Variants in TLN2 observed in about 807,000 individuals in gnomAD.
The protein encoded by TLN2 is talin-2.
A neutral mutation model predicts 294.7 loss-of-function variants in TLN2; 118 were observed. The observed-to-expected ratio is 0.40, with a 90% CI of 0.34 to 0.47. The LOEUF (loss-of-function observed/expected upper bound fraction) is 0.47. TLN2 is among the 20% of genes least tolerant of loss of function. The pLI, the probability that TLN2 is intolerant of heterozygous loss-of-function variation, is 0.84. For missense variants in TLN2, 3,083 were observed against 3,282.2 expected (o/e 0.94, Z 1.48); for synonymous variants, 1,431 against 1,304.5 (o/e 1.10, Z -2.09).
chr15:62,458,653 C>T (rs966482777), intron 1 of TLN2, among the ~76,000 whole-genome samples: 7 of 150,264 alleles, frequency 4.7e-5, no homozygotes, highest in Non-Finnish European at 8.8e-5. Flanking sequence ...CCTATAGTCC[C>T]GGCTGCTTTG....
At chr15:62,835,637 C>CG in intron 55 of TLN2, 100 bp from the exon 56 acceptor site, 1 of 1,319,366 alleles carries the variant, frequency 7.6e-7, no homozygotes, top group Non-Finnish European at 1.1e-6. Context: ...AGGCACCAAG[C>CG]GGGGTACAAG....
chr15:62,475,976 G>GGC (rs1278493037), intron 1 of TLN2, among the ~76,000 whole-genome samples: 2 of 152,168 alleles, frequency 1.3e-5, no homozygotes, highest in Non-Finnish European at 2.9e-5. Context: ...GCTGATTTAG[G>GGC]GCAAGGCCTA....
intron 37 of TLN2, 52 bp from the exon 38 acceptor site, chr15:62,761,629 A>C (rs1006124605): frequency 2.5e-6 from 4 of 1,611,246 alleles, no homozygotes; most frequent in Non-Finnish European, 3.4e-6. Context: ...TGTGGTTCAG[A>C]AATAATTTGT....
intron 44 of TLN2, 55 bp from the exon 45 acceptor site, chr15:62,783,716 T>G: frequency 7.2e-7 from 1 of 1,380,020 alleles, no homozygotes; most frequent in South Asian, 1.4e-5. Flanking sequence ...CTCATGCGTT[T>G]CTCTCTGTGT....
chr15:62,675,494 C>G (rs2056082177), intron 11 of TLN2, among the ~76,000 whole-genome samples, 173 bp downstream of exon 11: 1 of 152,218 alleles, frequency 6.6e-6, no homozygotes, highest in Non-Finnish European at 1.5e-5. Context: ...GGGGTATGAC[C>G]TGCAGGCTGG....
intron 1 of TLN2, among the ~76,000 whole-genome samples, chr15:62,423,137 TAATCCC>T (rs2140275189): frequency 6.6e-6 from 1 of 152,322 alleles, no homozygotes; most frequent in East Asian, 1.9e-4. Context: ...CTCACGCCTG[TAATCCC>T]AGCACTTTGG....
intron 22 of TLN2, among the ~76,000 whole-genome samples, chr15:62,714,445 A>T (rs2414782): frequency 6.6e-6 from 1 of 151,728 alleles, no homozygotes; most frequent in Non-Finnish European, 1.5e-5. Flanking sequence ...CTTGTGATCC[A>T]CCCGCCTCGG....
chr15:62,706,773 G>C (rs1007394909), intron 19 of TLN2, among the ~76,000 whole-genome samples: 5 of 152,160 alleles, frequency 3.3e-5, no homozygotes, highest in Non-Finnish European at 7.3e-5. Context: ...TCATTCAAGA[G>C]ACGTGGTCAA....
chr15:62,638,593 T>C (rs1256301530), intron 3 of TLN2: 6 of 455,920 alleles, frequency 1.3e-5, no homozygotes, highest in African/African-American at 1.2e-4. Context: ...GAAGGTCTCT[T>C]GACTTCAAGG....
chr15:62,393,626 A>G (rs1013767526), intron 1 of TLN2, among the ~76,000 whole-genome samples: 3 of 152,216 alleles, frequency 2.0e-5, no homozygotes, highest in Non-Finnish European at 4.4e-5. Context: ...GAAAAAAACT[A>G]TGCATCTAAA....
At chr15:62,722,835 A>G (rs2060226866) in intron 26 of TLN2, among the ~76,000 whole-genome samples, 1 of 152,230 alleles carries the variant, frequency 6.6e-6, no homozygotes, top group Admixed American at 6.5e-5. Flanking sequence ...GCTAAATTGT[A>G]GTCCAGAATA....
At chr15:62,459,299 CTTTT>C (rs35344244) in intron 1 of TLN2, among the ~76,000 whole-genome samples, 26 of 130,526 alleles carry the variant, frequency 2.0e-4, no homozygotes, top group Non-Finnish European at 2.6e-4. Flanking sequence ...CACGCTCGGC[CTTTT>C]TTTTTTTTTT....
At chr15:62,784,062 T>A in intron 45 of TLN2, 172 bp downstream of exon 45, 1 of 1,164,812 alleles carries the variant, frequency 8.6e-7, no homozygotes, top group Non-Finnish European at 1.2e-6. Context: ...CCCCAGGCTG[T>A]ACTCAAGTCT....
At position 62,750,504 on chromosome 15, in the gene TLN2, A is replaced by G. The variant is rs1353823993; in HGVS notation, c.4209+13A>G. The stretch of plus-strand genomic sequence containing the variant: ...GGAAAACTCCAAGGTAAGACTGCCT[A>G]TGCCGTAAGTCAGAAGTTAGCATTG... On this transcript the variant is annotated intron_variant, in intron 34 of 58. Transcript: ENST00000636159. The G allele has an allele frequency of 2.5e-6, 4 of 1,609,178 alleles. No homozygotes were observed. The highest frequency in any genetic ancestry group is 1.1e-5 in the South Asian group (1 of 90,996).
chr15:62,473,528 A>G lies in TLN2; in HGVS notation c.-238+82843A>G, dbSNP rs2037610026. On this transcript the variant is annotated intron_variant, in intron 1 of 58. Transcript: ENST00000636159. ...CTTTTCGTAGTTGCACTACCTATGT[A>G]TGTGTTCCTAAACAATGTATGCTTT... Among the ~76,000 whole-genome samples the G allele has an allele frequency of 2.6e-5, 4 of 152,282 alleles. No homozygotes were observed. In the South Asian group the frequency reaches 8.3e-4, roughly 32 times the overall value.
intron 37 of TLN2, among the ~76,000 whole-genome samples, chr15:62,759,753 A>G (rs796348379): frequency 2.0e-5 from 3 of 152,316 alleles, no homozygotes; most frequent in African/African-American, 7.2e-5. Flanking sequence ...GGAGAAAGCC[A>G]TGTAGCCACT....
intron 1 of TLN2, among the ~76,000 whole-genome samples, chr15:62,582,975 G>C (rs1390152138): frequency 1.3e-5 from 2 of 152,120 alleles, no homozygotes; most frequent in Non-Finnish European, 2.9e-5. Context: ...GGAAGAGTTA[G>C]ACACTTTATC....
intron 1 of TLN2, among the ~76,000 whole-genome samples, chr15:62,565,793 C>T (rs896463767): frequency 7.9e-5 from 12 of 152,214 alleles, no homozygotes; most frequent in East Asian, 1.9e-4. Context: ...ATGTATTTCC[C>T]GCCCTCAAGA....
At chr15:62,543,484 G>A (rs1424308903) in intron 1 of TLN2, among the ~76,000 whole-genome samples, 6 of 152,004 alleles carry the variant, frequency 3.9e-5, no homozygotes, top group Non-Finnish European at 5.9e-5. Context: ...TAGGCCAGAC[G>A]CGCTGGCTCA....
Sources: gnomAD v4.1 joint callset for allele counts (sites outside exome capture counted in the v4.1 genomes callset) on GRCh38, gnomAD v4.1.1 for gene constraint, MANE v1.5 for transcripts, NCBI Gene and HGNC (gene_info 2026-07-23, HGNC 2026-07-21) for gene names.